The following KIF13A variants were observed in gnomAD, a reference collection of about 807,000 sequenced individuals.
The protein encoded by KIF13A is kinesin-like protein KIF13A.
A neutral mutation model predicts 212.2 loss-of-function variants in KIF13A; 79 were observed. That is an observed-to-expected ratio of 0.37 (90% CI 0.31 to 0.45). The LOEUF is 0.45. Among genes scored for constraint, KIF13A ranks in the 20% least tolerant of loss-of-function variants. The pLI is 1.00. For missense variants in KIF13A, 1,901 were observed against 2,209.0 expected (o/e 0.86, Z 2.79); for synonymous variants, 789 against 808.6 (o/e 0.98, Z 0.41).
rs776517852 is a variant in KIF13A at position 17,779,617 on chromosome 6, T to C, written c.3914A>G (p.Tyr1305Cys). The change falls in exon 32 of 39, where the codon TAT becomes TGT. Residue 1305 changes from tyrosine to cysteine, a missense_variant. Tyr to Cys is a radical substitution (Grantham distance 194). This residue lies in a region of KIF13A where 687 missense variants were observed against 759.1 expected (regional missense o/e 0.90). Coordinates refer to ENST00000259711, the MANE Select transcript of KIF13A (RefSeq NM_022113.6). The part of the protein sequence containing the change: ...KNIFYSCGVT[Y>C]EIVSNIPKAT... ...CTTTGGTATATTGGATACTATTTCA[T>C]AGGTTACACCACAGGAATAAAATAT... 4 of 1,500,376 alleles carry C rather than the reference T, an allele frequency of 2.7e-6. No individual in the cohort carries two copies. The South Asian group carries it at 3.5e-5, about 13-fold the overall frequency. The allele number at this position is 1,500,376 out of a possible 1,614,324, so 92.9% of individuals were successfully genotyped here. A position where few individuals can be genotyped will look rare whatever the true frequency, so the allele number is the denominator to read the frequency against.
At chr6:17,952,586 A>G (rs181031997) in intron 2 of KIF13A, among the ~76,000 whole-genome samples, 2 of 151,430 alleles carry the variant, frequency 1.3e-5, no homozygotes, top group African/African-American at 4.9e-5. Flanking sequence ...ACAGTGAGCT[A>G]TGACCACACC....
chr6:17,816,139 G>C lies in KIF13A; in HGVS notation c.2000+881C>G, dbSNP rs183269104. On this transcript the variant is annotated intron_variant, in intron 17 of 38. Transcript: ENST00000259711. This position sits in a 1 kb window ranked among gnomAD's most constrained non-coding sequence, Gnocchi z 4.3. ...TCACCATGTTGGCCAGGCTGGTCTG[G>C]AACTCCTGACCTCAGGCGATCCGCT... Among the ~76,000 whole-genome samples the C allele has an allele frequency of 4.5e-4, 69 of 151,804 alleles. No individual in the cohort carries two copies. Among genetic ancestry groups the C allele is most frequent in the African/African-American group, 1.6e-3 (65 of 41,396 alleles).
intron 26 of KIF13A, among the ~76,000 whole-genome samples, chr6:17,788,594 A>G (rs1349403102): frequency 6.6e-6 from 1 of 152,250 alleles, no homozygotes. Flanking sequence ...TCGTGGAATT[A>G]TGAGTAGGGA....
At chr6:17,802,481 G>A (rs1762554343) in intron 20 of KIF13A, among the ~76,000 whole-genome samples, 1 of 151,916 alleles carries the variant, frequency 6.6e-6, no homozygotes, top group Non-Finnish European at 1.5e-5. Context: ...GTAGAGATGG[G>A]GTTTCTCCAT....
chr6:17,986,448 C>T (rs1402886635), intron 2 of KIF13A, among the ~76,000 whole-genome samples: 45 of 152,202 alleles, frequency 3.0e-4, no homozygotes, highest in Admixed American at 2.9e-3. Context: ...CTATACAGTT[C>T]AGGGCCCTAC....
chr6:17,841,265 T>G (rs1766478192), intron 9 of KIF13A, among the ~76,000 whole-genome samples: 2 of 152,082 alleles, frequency 1.3e-5, no homozygotes, highest in Non-Finnish European at 2.9e-5. Flanking sequence ...GGGCCTCACT[T>G]TGTTGCCCAG....
chr6:17,885,981 C>T (rs1771507196), intron 3 of KIF13A, among the ~76,000 whole-genome samples: 1 of 152,176 alleles, frequency 6.6e-6, no homozygotes, highest in Non-Finnish European at 1.5e-5. Context: ...CAAATAACTT[C>T]TTCAACAGCA....
chr6:17,848,558 C>CTTT (rs66477046), intron 9 of KIF13A, among the ~76,000 whole-genome samples: 231 of 68,884 alleles, frequency 3.4e-3, no homozygotes, highest in African/African-American at 4.6e-3. Flanking sequence ...ACTCGTACAT[C>CTTT]TTTTTTTTTT....
chr6:17,893,040 A>T (rs1010829725), intron 3 of KIF13A, among the ~76,000 whole-genome samples: 4 of 152,202 alleles, frequency 2.6e-5, no homozygotes, highest in African/African-American at 9.7e-5. Context: ...TATGGGACTG[A>T]GCCCCTAACC....
At chr6:17,779,243 ATATATATATATATATTTTTTTTTTTTTTT>A (rs67458581) in intron 32 of KIF13A, 144 bp from the exon 33 acceptor site, 100,585 of 235,338 alleles carry the variant, frequency 0.43, 11,205 homozygotes, top group East Asian at 0.57. Flanking sequence ...TAGCATATAT[ATATATATATATATATTTTTTTTTTTTTTT>A]TTTTTTTTTT....
At chr6:17,846,928 C>A (rs1184618747) in intron 9 of KIF13A, among the ~76,000 whole-genome samples, 4 of 152,188 alleles carry the variant, frequency 2.6e-5, no homozygotes, top group African/African-American at 9.6e-5. Context: ...TTTCCAAAAT[C>A]CACACTTAGA....
chr6:17,952,798 T>C lies in KIF13A; in HGVS notation c.146+34256A>G, dbSNP rs186900897. On this transcript the variant is annotated intron_variant, in intron 2 of 38. Coordinates refer to ENST00000259711, the MANE Select transcript of KIF13A (RefSeq NM_022113.6). ...ACAAAAAATTAGCCAGGTGTGGTGGTGGGCGCCTGTAGCCCCAGCTACTCA... is the reference window on the plus strand; with the variant it reads ...ACAAAAAATTAGCCAGGTGTGGTGGCGGGCGCCTGTAGCCCCAGCTACTCA... 6.6e-3 allele frequency among the ~76,000 whole-genome samples: 998 copies of C among 151,442 alleles called. 5 individuals are homozygous for C. Among genetic ancestry groups the C allele is most frequent in the Middle Eastern group, 0.01 (3 of 290 alleles).
At chr6:17,929,172 G>A (rs1213809391) in intron 2 of KIF13A, among the ~76,000 whole-genome samples, 3 of 150,926 alleles carry the variant, frequency 2.0e-5, no homozygotes, top group Non-Finnish European at 2.9e-5. Context: ...GGCTAAAAAC[G>A]AAATTCTTAT....
intron 2 of KIF13A, among the ~76,000 whole-genome samples, chr6:17,940,571 G>A (rs1776868849): frequency 6.6e-6 from 1 of 152,124 alleles, no homozygotes; most frequent in Non-Finnish European, 1.5e-5. Context: ...GCAGAGTTAA[G>A]AGAGAATTCC....
chr6:17,908,592 A>C (rs567026490), intron 2 of KIF13A, among the ~76,000 whole-genome samples: 2 of 152,270 alleles, frequency 1.3e-5, no homozygotes, highest in East Asian at 3.9e-4. Context: ...CGACAGAGCG[A>C]GACTGTCTTA....
Position 17,771,144 on chromosome 6 carries a change from T to C in KIF13A, c.4551A>G (p.Val1517=). 1 of 1,613,092 alleles carries C rather than the reference T, an allele frequency of 6.2e-7. No individual in the cohort carries two copies. Among genetic ancestry groups the C allele is most frequent in the Non-Finnish European group, 8.5e-7 (1 of 1,179,362 alleles). The change falls in exon 38 of 39, where the codon GTA becomes GTG. Residue 1517 remains valine (V), a synonymous_variant. Transcript: ENST00000259711. This position sits in a 1 kb window ranked among gnomAD's most constrained non-coding sequence, Gnocchi z 5.4. ...PSGSNGSSMP[V]EHNSKREKKI... is the part of the protein sequence containing the mutation. ...TCTTCTCACGTTTGCTATTGTGTTC[T>C]ACTGGCATGCTGCTGCCATTGCTTC...
At chr6:17,881,995 C>CA (rs1562092265) in intron 3 of KIF13A, 4 of 455,722 alleles carry the variant, frequency 8.8e-6, no homozygotes, top group Middle Eastern at 3.5e-4. Context: ...GACTCTGTCT[C>CA]AAAAAAATAA....
At chr6:17,845,358 G>A (rs558429659) in intron 9 of KIF13A, among the ~76,000 whole-genome samples, 269 of 152,268 alleles carry the variant, frequency 1.8e-3, no homozygotes, top group African/African-American at 6.2e-3. Context: ...ATGCTTACAA[G>A]TTACTCTATT....
Position 17,769,687 on chromosome 6 carries a change from CCA to C in KIF13A, c.4581+1425_4581+1426del, listed in dbSNP as rs34917093. On this transcript the variant is annotated intron_variant, in intron 38 of 38. Transcript: ENST00000259711. This position sits in a 1 kb window ranked among gnomAD's most constrained non-coding sequence, Gnocchi z 5.8. ...TAGGTTTAAATTGAGTGGCTGTGCA[CCA>C]CAGTGATAAGTGTCATGCCAATAAA... 0.48 allele frequency among the ~76,000 whole-genome samples: 73,038 copies of C among 151,738 alleles called. 18,691 individuals are homozygous for C. Among genetic ancestry groups the C allele is most frequent in the African/African-American group, 0.65 (26,957 of 41,336 alleles).
Sources: allele counts gnomAD v4.1 joint callset (sites outside exome capture counted in the v4.1 genomes callset), GRCh38; gene constraint gnomAD v4.1.1; regional missense constraint gnomAD v4.1.1; non-coding constraint Gnocchi (gnomAD v3.1); transcripts MANE v1.5; gene names NCBI Gene and HGNC (gene_info 2026-07-23, HGNC 2026-07-21).